CXADR: variants seen among roughly 807,000 people sequenced by gnomAD.
CXADR encodes CXADR cell adhesion molecule.
In CXADR, 20 loss-of-function variants were observed where a neutral mutation model predicts 40.3. The ratio of observed to expected loss-of-function variants is 0.50; its 90% CI spans 0.35 to 0.72. The LOEUF (loss-of-function observed/expected upper bound fraction) is 0.72. CXADR is among the 30% of genes least tolerant of loss of function. The pLI is 0.01. For missense variants in CXADR, 332 were observed against 449.1 expected (o/e 0.74, Z 2.36); for synonymous variants, 150 against 161.3 (o/e 0.93, Z 0.53).
chr21:17,516,995 T>C (rs2060470162), intron 1 of CXADR, among the ~76,000 whole-genome samples: 1 of 151,836 alleles, frequency 6.6e-6, no homozygotes, highest in Non-Finnish European at 1.5e-5. Context: ...TAAATTGAGG[T>C]GTTTGGATGA....
chr21:17,633,032 G>A, the CXADR span: 1 of 152,136 alleles, frequency 6.6e-6, no homozygotes, highest in African/African-American at 2.4e-5. Flanking sequence ...AGAAAACGAT[G>A]TCTCATAGTG....
downstream of CXADR, among the ~76,000 whole-genome samples, chr21:17,572,942 C>T (rs2061290842): frequency 6.6e-6 from 1 of 152,132 alleles, no homozygotes. Context: ...TCTGAAATGC[C>T]TAGTCATTTA....
intron 3 of CXADR, among the ~76,000 whole-genome samples, chr21:17,555,259 C>G (rs1261629674): frequency 1.3e-5 from 2 of 152,152 alleles, no homozygotes; most frequent in African/African-American, 4.8e-5. Context: ...TGGTATACTC[C>G]CACTGCACCA....
intron 1 of CXADR, among the ~76,000 whole-genome samples, chr21:17,537,336 T>C (rs2060771751): frequency 6.6e-6 from 1 of 152,232 alleles, no homozygotes; most frequent in African/African-American, 2.4e-5. Flanking sequence ...TTCCCTTCTC[T>C]TATACAAAGG....
chr21:17,540,538 G>A (rs2060814038), intron 1 of CXADR, among the ~76,000 whole-genome samples: 1 of 152,076 alleles, frequency 6.6e-6, no homozygotes, highest in Non-Finnish European at 1.5e-5. Context: ...TTGCTGGAGG[G>A]GACTGGTTCT....
intron 6 of CXADR, among the ~76,000 whole-genome samples, chr21:17,563,678 A>T (rs1389055929): frequency 6.6e-6 from 1 of 152,030 alleles, no homozygotes; most frequent in African/African-American, 2.4e-5. Context: ...ACGGTGGCTC[A>T]CACCTGTAAT....
At chr21:17,517,899 G>A (rs211953) in intron 1 of CXADR, among the ~76,000 whole-genome samples, 21,900 of 152,134 alleles carry the variant, frequency 0.14, 1,850 homozygotes, top group Non-Finnish European at 0.2. Context: ...GGTCTGACTA[G>A]GTAAGTGAAT....
At chr21:17,559,993 G>C (rs1024543714) in intron 4 of CXADR, among the ~76,000 whole-genome samples, 1 of 151,146 alleles carries the variant, frequency 6.6e-6, no homozygotes, top group Admixed American at 6.6e-5. Context: ...TAATTGATGA[G>C]ACATGTTCAT....
At chr21:17,543,620 CAT>C (rs1569105479) in intron 1 of CXADR, among the ~76,000 whole-genome samples, 3 of 152,080 alleles carry the variant, frequency 2.0e-5, no homozygotes, top group Non-Finnish European at 2.9e-5. Context: ...TTAGATTACT[CAT>C]ATTATTTGAT....
chr21:17,627,289 G>C, the CXADR span, among the ~76,000 whole-genome samples: 1 of 152,152 alleles, frequency 6.6e-6, no homozygotes, highest in African/African-American at 2.4e-5. Flanking sequence ...CTAGGAGGCG[G>C]AGGTTGCGGT....
chr21:17,525,234 T>G (rs2060584879), intron 1 of CXADR, among the ~76,000 whole-genome samples: 1 of 152,246 alleles, frequency 6.6e-6, no homozygotes, highest in Admixed American at 6.5e-5. Flanking sequence ...TCAAAGATAT[T>G]TCTTACAAAG....
intron 1 of CXADR, among the ~76,000 whole-genome samples, chr21:17,525,794 A>G (rs1297724642): frequency 1.3e-5 from 2 of 152,238 alleles, no homozygotes; most frequent in Admixed American, 1.3e-4. Flanking sequence ...TGGGATAGAA[A>G]GGACACATCA....
At chr21:17,627,750 C>G in the CXADR span, among the ~76,000 whole-genome samples, 1 of 152,168 alleles carries the variant, frequency 6.6e-6, no homozygotes, top group Non-Finnish European at 1.5e-5. Context: ...GTGGTTGCTA[C>G]TCGGAAAGAT....
chr21:17,611,052 G>A, the CXADR span, among the ~76,000 whole-genome samples: 2 of 152,266 alleles, frequency 1.3e-5, no homozygotes, highest in South Asian at 2.1e-4. Context: ...GCAGGCACCG[G>A]GCATGGGTCC....
chr21:17,516,643 T>C (rs556962115), intron 1 of CXADR, among the ~76,000 whole-genome samples: 6 of 152,216 alleles, frequency 3.9e-5, no homozygotes, highest in Non-Finnish European at 8.8e-5. Flanking sequence ...ACTGTGTGTC[T>C]GTTGCCTTAC....
chr21:17,555,778 T>G (rs1233740466), intron 3 of CXADR, among the ~76,000 whole-genome samples: 1 of 152,208 alleles, frequency 6.6e-6, no homozygotes, highest in African/African-American at 2.4e-5. Context: ...GGGAGCTACT[T>G]CGAGACTATG....
chr21:17,559,190 GGGT>G lies in CXADR; in HGVS notation c.571+61_571+63del, dbSNP rs1331978583. 3.8e-6 allele frequency: 6 copies of G among 1,560,090 alleles called. No homozygotes were observed. The African/African-American group carries it at 8.1e-5, about 21-fold the overall frequency. On this transcript the variant is annotated intron_variant, in intron 4 of 6. Transcript: ENST00000284878. ...ATTGATTTGGACTAAGATCTAGTAG[GGGT>G]GTGTGTGTGATTTGAGATAGGGCCT...
chr21:17,600,272 A>C, the CXADR span, among the ~76,000 whole-genome samples: 1 of 152,080 alleles, frequency 6.6e-6, no homozygotes. Context: ...ACTATCAAAC[A>C]ATTTCTAGCA....
chr21:17,545,315 G>A (rs926939663), intron 1 of CXADR, among the ~76,000 whole-genome samples: 2 of 151,730 alleles, frequency 1.3e-5, no homozygotes, highest in Non-Finnish European at 2.9e-5. Context: ...AGAAAATGTT[G>A]GGTAATCACA....
Sources: gnomAD v4.1 joint callset for allele counts (sites outside exome capture counted in the v4.1 genomes callset) on GRCh38, gnomAD v4.1.1 for gene constraint, MANE v1.5 for transcripts, NCBI Gene and HGNC (gene_info 2026-07-23, HGNC 2026-07-21) for gene names.